ANK3: variants seen among roughly 807,000 people sequenced by gnomAD.
ANK3 encodes the protein ankyrin 3.
A neutral mutation model predicts 370.9 loss-of-function variants in ANK3; 57 were observed. The ratio of observed to expected loss-of-function variants is 0.15; its 90% CI spans 0.12 to 0.19. The LOEUF (loss-of-function observed/expected upper bound fraction) is 0.19, where lower values mean the gene tolerates loss of function less well. Ranked by LOEUF, ANK3 falls within the 10% of genes least tolerant of loss-of-function variation. The probability of loss-of-function intolerance (pLI) is 1.00; values close to 1 mark genes in which losing one functional copy is unlikely to be tolerated. For missense variants in ANK3, 4,439 were observed against 5,302.1 expected (o/e 0.84, Z 5.06); for synonymous variants, 1,929 against 1,946.3 (o/e 0.99, Z 0.23).
intron 2 of ANK3, among the ~76,000 whole-genome samples, chr10:60,599,686 C>G (rs978745219): frequency 6.6e-6 from 1 of 152,124 alleles, no homozygotes; most frequent in African/African-American, 2.4e-5. Flanking sequence ...TTCTTGCTTC[C>G]TCATCTCTCT....
intron 2 of ANK3, among the ~76,000 whole-genome samples, chr10:60,548,713 A>G (rs1340672521): frequency 2.0e-5 from 3 of 152,120 alleles, no homozygotes; most frequent in African/African-American, 7.2e-5. Flanking sequence ...TTCCTAAAAT[A>G]CTATAGTATA....
chr10:60,630,860 A>C (rs1045289778), intron 1 of ANK3, among the ~76,000 whole-genome samples: 2 of 152,178 alleles, frequency 1.3e-5, no homozygotes, highest in African/African-American at 4.8e-5. Context: ...AATGGATTGC[A>C]CAGAGGGACC....
At chr10:60,535,795 T>C (rs962503434) in intron 2 of ANK3, among the ~76,000 whole-genome samples, 1 of 151,826 alleles carries the variant, frequency 6.6e-6, no homozygotes. Context: ...AAAAAGTAGA[T>C]CTATAGTACT....
At chr10:60,067,657 T>C (rs1191713416) in intron 38 of ANK3, among the ~76,000 whole-genome samples, 1 of 152,224 alleles carries the variant, frequency 6.6e-6, no homozygotes, top group African/African-American at 2.4e-5. Flanking sequence ...GGTTAACCTA[T>C]ATTACAGAAG....
At chr10:60,631,748 G>C (rs1280376395) in intron 1 of ANK3, among the ~76,000 whole-genome samples, 1 of 152,028 alleles carries the variant, frequency 6.6e-6, no homozygotes, top group Non-Finnish European at 1.5e-5. Flanking sequence ...TACAGATCTA[G>C]AGCAATACAT....
rs1196295825 is a variant in ANK3 at position 60,250,227 on chromosome 10, AC to A, written c.798+11631del. Among the ~76,000 whole-genome samples the A allele has an allele frequency of 3.6e-5, 5 of 138,332 alleles. No homozygotes were observed. In the East Asian group the frequency reaches 9.5e-4, roughly 26 times the overall value. 90.8% of individuals were successfully genotyped at this position (138,332 alleles called of 152,430 possible). On this transcript the variant is annotated intron_variant, in intron 7 of 43. Transcript: ENST00000280772. ...CCTGATCAGAAGAATCACCTGAGGA[AC>A]TTGTTAAAAACACAGATTGCAAGTC...
chr10:60,478,604 G>A (rs1296508798), intron 2 of ANK3, among the ~76,000 whole-genome samples: 1 of 152,044 alleles, frequency 6.6e-6, no homozygotes, highest in Non-Finnish European at 1.5e-5. Flanking sequence ...ATAAATTTCT[G>A]ATAATTTTGT....
chr10:60,694,083 C>T (rs1483650631), intron 1 of ANK3, among the ~76,000 whole-genome samples: 5 of 151,926 alleles, frequency 3.3e-5, no homozygotes, highest in East Asian at 3.9e-4. Context: ...AACCAAGGCT[C>T]GAGAACTATG....
intron 2 of ANK3, among the ~76,000 whole-genome samples, chr10:60,432,980 G>A (rs933921361): frequency 6.6e-6 from 1 of 152,140 alleles, no homozygotes; most frequent in African/African-American, 2.4e-5. Flanking sequence ...CCAAAGGTTG[G>A]CCACAGCGAT....
chr10:60,464,018 G>C (rs1229190264), intron 2 of ANK3, among the ~76,000 whole-genome samples: 1 of 152,090 alleles, frequency 6.6e-6, no homozygotes, highest in African/African-American at 2.4e-5. Flanking sequence ...GAAAAGATTA[G>C]CATTGTTTCA....
intron 9 of ANK3, among the ~76,000 whole-genome samples, chr10:60,213,173 G>C (rs1686129362): frequency 6.6e-6 from 1 of 152,104 alleles, no homozygotes; most frequent in Non-Finnish European, 1.5e-5. Flanking sequence ...AAATCAAGCA[G>C]TAAGCATTCC....
At chr10:60,565,343 A>G (rs1009072520) in intron 2 of ANK3, among the ~76,000 whole-genome samples, 1 of 152,194 alleles carries the variant, frequency 6.6e-6, no homozygotes, top group Non-Finnish European at 1.5e-5. Context: ...CTGAGAATCA[A>G]TGCTGTCTCT....
At position 60,070,251 on chromosome 10, in the gene ANK3, G is replaced by A; in HGVS notation, c.10630C>T (p.Pro3544Ser). The A allele has an allele frequency of 2.5e-6, 4 of 1,614,032 alleles. No homozygotes were observed. The highest frequency in any genetic ancestry group is 1.7e-4 in the Middle Eastern group (1 of 6,060). ...TCATCCCCTCGGTTATTAGACCAAG[G>A]GTCAAAATCTAGACCTTTGGTAGCT... Reference protein sequence around the residue: ...TVATKGLDFDPWSNNRGDDEV... With the variant: ...TVATKGLDFDSWSNNRGDDEV... Residue 3544 changes from proline (P) to serine (S), a missense_variant, in exon 37 of 44, where the codon CCT (proline) becomes TCT (serine). Around this residue, in one of 13 missense-constraint regions of ANK3, gnomAD observed 1,601 missense variants for 1,731.7 expected, o/e 0.92. Coordinates refer to ENST00000280772, the MANE Select transcript of ANK3 (RefSeq NM_020987.5). The surrounding 1 kb of genome is among the most constrained non-coding windows in gnomAD (Gnocchi z 5.7).
At chr10:60,315,882 T>C (rs1247477084) in intron 1 of ANK3, among the ~76,000 whole-genome samples, 1 of 152,180 alleles carries the variant, frequency 6.6e-6, no homozygotes, top group Non-Finnish European at 1.5e-5. Flanking sequence ...CCAGCAAATA[T>C]TATGAGCGAT....
At chr10:60,189,156 C>G (rs937517452) in intron 16 of ANK3, among the ~76,000 whole-genome samples, 1 of 152,132 alleles carries the variant, frequency 6.6e-6, no homozygotes, top group Non-Finnish European at 1.5e-5. Context: ...ACTTCTAATG[C>G]CACCAAAAAG....
At chr10:60,031,479 C>G (rs1263402903) in intron 43 of ANK3, among the ~76,000 whole-genome samples, 1 of 152,216 alleles carries the variant, frequency 6.6e-6, no homozygotes, top group Admixed American at 6.5e-5. Context: ...CATATATTGT[C>G]TCTCCTCCTT....
rs544707672 is a variant in ANK3 at position 60,253,604 on chromosome 10, A to G, written c.798+8255T>C. Among the ~76,000 whole-genome samples the G allele has an allele frequency of 3.3e-5, 5 of 152,326 alleles. No homozygotes were observed. In the South Asian group the frequency reaches 1.0e-3, roughly 32 times the overall value. ...AAACATGCATCTCCTCCATTCTGTC[A>G]CCTTACAAAAACTTACTGGTTTTGT... On this transcript the variant is annotated intron_variant, in intron 7 of 43. Coordinates refer to ENST00000280772, the MANE Select transcript of ANK3 (RefSeq NM_020987.5).
chr10:60,159,572 T>C (rs952839037), intron 23 of ANK3, among the ~76,000 whole-genome samples: 5 of 152,062 alleles, frequency 3.3e-5, no homozygotes, highest in Admixed American at 2.0e-4. Flanking sequence ...ATGACCCTAA[T>C]AGACATGCAC....
intron 43 of ANK3, among the ~76,000 whole-genome samples, chr10:60,039,751 T>C (rs2075774535): frequency 6.6e-6 from 1 of 152,180 alleles, no homozygotes; most frequent in East Asian, 1.9e-4. Flanking sequence ...CCTTATAGCA[T>C]TGTTTTGGGG....
Sources: gnomAD v4.1 joint callset for allele counts (sites outside exome capture counted in the v4.1 genomes callset) on GRCh38, gnomAD v4.1.1 for gene constraint, gnomAD v4.1.1 regional missense constraint, Gnocchi (gnomAD v3.1) non-coding constraint, MANE v1.5 for transcripts, NCBI Gene and HGNC (gene_info 2026-07-23, HGNC 2026-07-21) for gene names.